LRIT1: variants seen among roughly 807,000 people sequenced by gnomAD.
LRIT1 encodes leucine-rich repeat, immunoglobulin-like domain and transmembrane domain-containing protein 1.
LRIT1 carries 23 observed loss-of-function variants against 24.0 expected under a neutral mutation model. The ratio of observed to expected loss-of-function variants is 0.96; its 90% CI spans 0.69 to 1.36. LRIT1 has a LOEUF of 1.36. LRIT1 is among the 40% of genes most tolerant of loss of function. LRIT1 has a pLI of 0.00. For missense variants in LRIT1, 846 were observed against 806.3 expected (o/e 1.05, Z -0.60); for synonymous variants, 361 against 340.5 (o/e 1.06, Z -0.66).
Position 84,237,255 on chromosome 10 carries a change from A to T in LRIT1, c.554T>A (p.Ile185Asn). ...IVSWAHLETG[I>N]FPPGHHPRRV... ...CCTGGGGTGGTGGCCGGGAGGAAAGATACCGGTCTCCAGGTGAGCCCAGGA... is the reference window on the plus strand; with the variant it reads ...CCTGGGGTGGTGGCCGGGAGGAAAGTTACCGGTCTCCAGGTGAGCCCAGGA... The change falls in exon 2 of 4, where the codon ATC (isoleucine) becomes AAC (asparagine). Residue 185 changes from isoleucine (I) to asparagine (N), a missense_variant. Physicochemically the swap from Ile to Asn is moderately radical, Grantham distance 149 (BLOSUM62 -3). Coordinates refer to ENST00000372105, the MANE Select transcript of LRIT1 (RefSeq NM_015613.3). 3.2e-6 allele frequency: 5 copies of T among 1,550,746 alleles called. No individual in the cohort carries two copies. Among genetic ancestry groups the T allele is most frequent in the East Asian group, 2.4e-5 (1 of 40,918 alleles).
At position 84,237,284 on chromosome 10, in the gene LRIT1, G is replaced by T. The variant is rs1404333855; in HGVS notation, c.525C>A (p.Ile175=). The T allele has an allele frequency of 2.6e-6, 4 of 1,550,908 alleles. No individual in the cohort carries two copies. Among genetic ancestry groups the T allele is most frequent in the Admixed American group, 2.0e-5 (1 of 50,988 alleles). ...NQLMRLPQEL[I]VSWAHLETGI... ...CGGTCTCCAGGTGAGCCCAGGAGACGATGAGCTCCTGCGGGAGCCTCATCA... is the reference window on the plus strand; with the variant it reads ...CGGTCTCCAGGTGAGCCCAGGAGACTATGAGCTCCTGCGGGAGCCTCATCA... Residue 175 remains isoleucine, a synonymous_variant, in exon 2 of 4, where the codon ATC becomes ATA. Transcript: ENST00000372105.
At position 84,232,634 on chromosome 10, in the gene LRIT1, G is replaced by T. The variant is rs12262099; in HGVS notation, c.1165C>A (p.Pro389Thr). 114,002 of 1,613,418 alleles carry T rather than the reference G, an allele frequency of 0.071. 12,293 individuals carry two copies. Among genetic ancestry groups the T allele is most frequent in the African/African-American group, 0.5 (37,245 of 74,918 alleles). The change falls in exon 4 of 4, where the codon CCC (proline) becomes ACC (threonine). Residue 389 changes from proline to threonine, a missense_variant. Transcript: ENST00000372105. ...GAGGGTCCAGTGGCCAGGACAGCGG[G>T]TTTGGGAATCTGGGGGACATGCCTG... ...VARHVPQIPKPAVLATGPSVP... is the reference protein window; with the variant it reads ...VARHVPQIPKTAVLATGPSVP...
intron 2 of LRIT1, among the ~76,000 whole-genome samples, chr10:84,236,327 T>C (rs1842647511): frequency 6.7e-6 from 1 of 150,134 alleles, no homozygotes; most frequent in Non-Finnish European, 1.5e-5. Context: ...TTGCCAAGAA[T>C]GTTCTCTGTT....
At position 84,233,499 on chromosome 10, in the gene LRIT1, G is replaced by A. The variant is rs532292771; in HGVS notation, c.895+574C>T. On this transcript the variant is annotated intron_variant, in intron 3 of 3. Coordinates refer to ENST00000372105, the MANE Select transcript of LRIT1 (RefSeq NM_015613.3). ...TTAAGGGCCCTGGAATTTTGCAAAG[G>A]TGATCAGCTAGATTGTGCTGGAACC... 1.9e-4 allele frequency among the ~76,000 whole-genome samples: 21 copies of A among 109,860 alleles called. No individual in the cohort carries two copies. In the South Asian group the frequency reaches 4.9e-3, roughly 26 times the overall value. 72.1% of individuals were successfully genotyped at this position (109,860 alleles called of 152,430 possible).
In LRIT1 at chr10:84,237,594, C is replaced by A. The variant is rs752550690; in HGVS notation, c.215G>T (p.Arg72Leu). The A allele has an allele frequency of 5.0e-6, 8 of 1,606,612 alleles. No homozygotes were observed. The South Asian group carries it at 6.6e-5, about 13-fold the overall frequency. Residue 72 changes from arginine (R) to leucine (L), a missense_variant, in exon 2 of 4, where the codon CGC becomes CTC. Arg to Leu is a moderately radical substitution (Grantham distance 102, BLOSUM62 -2). Transcript: ENST00000372105. ...CCTGAAGGCCTCGCCAGGAACCCTGCGTATGGCCGTCCGCTCCAGGCGCAG... is the reference window on the plus strand; with the variant it reads ...CCTGAAGGCCTCGCCAGGAACCCTGAGTATGGCCGTCCGCTCCAGGCGCAG... Reference protein sequence around the residue: ...SRLRLERTAIRRVPGEAFRPL... With the variant: ...SRLRLERTAILRVPGEAFRPL...
rs1472089282 is a variant in LRIT1, at chr10:84,232,761, A to G, written c.1038T>C (p.Thr346=). ...ASETVISLIV[T]EPPTSTEHSG... The stretch of plus-strand genomic sequence containing the variant: ...TGTGTTCTGTGGAAGTCGGTGGCTC[A>G]GTGACAATCAAGGAGATAACAGTTT... The change falls in exon 4 of 4, where the codon ACT becomes ACC. Residue 346 remains threonine, a synonymous_variant. Transcript: ENST00000372105. 13 of 1,614,040 alleles carry G rather than the reference A, an allele frequency of 8.1e-6. No homozygotes were observed. The highest frequency in any genetic ancestry group is 1.1e-5 in the Non-Finnish European group (13 of 1,180,018).
At position 84,237,333 on chromosome 10, in the gene LRIT1, A is replaced by C. The variant is rs1200328346; in HGVS notation, c.476T>G (p.Phe159Cys). ...EAARFLENLT[F>C]LDLSSNQLMR... is the part of the protein sequence containing the mutation. ...CAGCTGGTTGCTGGAGAGGTCGAGG[A>C]AGGTGAGGTTCTCCAGGAAGCGCGC... Residue 159 changes from phenylalanine to cysteine, a missense_variant, in exon 2 of 4, where the codon TTC (phenylalanine) becomes TGC (cysteine). Phe to Cys is a radical substitution (Grantham distance 205). Transcript: ENST00000372105. 1.6e-5 allele frequency: 25 copies of C among 1,550,864 alleles called. No individual in the cohort carries two copies. The highest frequency in any genetic ancestry group is 2.1e-5 in the Non-Finnish European group (24 of 1,146,962).
intron 3 of LRIT1, 28 bp downstream of exon 3, chr10:84,234,045 C>T: frequency 1.4e-6 from 2 of 1,426,534 alleles, no homozygotes; most frequent in Non-Finnish European, 1.8e-6. Flanking sequence ...TCTAGGTTCT[C>T]AGTGCAGCAT....
rs770271797 is a variant in LRIT1 at position 84,241,407 on chromosome 10, CA to C, written c.32del (p.Leu11TrpfsTer33). 4 of 1,607,564 alleles carry C rather than the reference CA, an allele frequency of 2.5e-6. No individual in the cohort carries two copies. In the South Asian group the frequency reaches 4.4e-5, roughly 18 times the overall value. On this transcript the variant is annotated frameshift_variant, in exon 1 of 4. Transcript: ENST00000372105. LOFTEE classifies it high-confidence loss of function. Reference protein sequence around the residue: MRVALGMLWLLALAWPPQARG... With the variant: MRVALGMLWLXALAWPPQARG... ...GGGCCTGGGGGGGCCACGCAAGGGC[CA>C]AGAGCCAGAGCATGCCTAATGCCAC...
rs1842602140 is a variant in LRIT1 at position 84,232,039 on chromosome 10, A to G, written c.1760T>C (p.Leu587Pro). 1 of 1,614,150 alleles carries G rather than the reference A, an allele frequency of 6.2e-7. No individual in the cohort carries two copies. The highest frequency in any genetic ancestry group is 1.3e-5 in the African/African-American group (1 of 75,036). The change falls in exon 4 of 4, where the codon CTG (leucine) becomes CCG (proline). Residue 587 changes from leucine to proline, a missense_variant. Physicochemically the swap from Leu to Pro is moderately conservative, Grantham distance 98. Coordinates refer to ENST00000372105, the MANE Select transcript of LRIT1 (RefSeq NM_015613.3). The stretch of plus-strand genomic sequence containing the variant: ...AGCCTCGCTGACACTGTGCCGGGAC[A>G]GCTCCTCCAAGCCGTCCTCGCTGTA... ...LGYSEDGLEE[L>P]SRHSVSEADR... is the part of the protein sequence containing the mutation.
Position 84,237,617 on chromosome 10 carries a change from C to T in LRIT1, c.192G>A (p.Leu64=). 6.2e-7 allele frequency: 1 copy of T among 1,607,002 alleles called. No individual in the cohort carries two copies. Among genetic ancestry groups the T allele is most frequent in the African/African-American group, 1.3e-5 (1 of 75,056 alleles). The change falls in exon 2 of 4, where the codon CTG becomes CTA. Residue 64 remains leucine (L), a synonymous_variant. Coordinates refer to ENST00000372105, the MANE Select transcript of LRIT1 (RefSeq NM_015613.3). Reference sequence around the variant, plus strand: ...TGCGTATGGCCGTCCGCTCCAGGCGCAGTCTGGAGGTGTCCGGGGGGATGG... The same window carrying T: ...TGCGTATGGCCGTCCGCTCCAGGCGTAGTCTGGAGGTGTCCGGGGGGATGG... ...PASIPPDTSR[L]RLERTAIRRV...
chr10:84,237,194 C>T, intron 2 of LRIT1, 26 bp downstream of exon 2: 2 of 1,507,652 alleles, frequency 1.3e-6, no homozygotes, highest in Non-Finnish European at 9.0e-7. Flanking sequence ...TGCCTAAGAC[C>T]CCAGGTGAAG....
At chr10:84,237,109 G>A in intron 2 of LRIT1, 111 bp downstream of exon 2, 5 of 891,428 alleles carry the variant, frequency 5.6e-6, no homozygotes, top group Non-Finnish European at 7.0e-6. Context: ...GGATCTCACT[G>A]TCTTTGCTCA....
chr10:84,241,496 A>AC lies in LRIT1; in HGVS notation c.-58dup, dbSNP rs1564545846. 3 of 1,094,994 alleles carry AC rather than the reference A, an allele frequency of 2.7e-6. No individual in the cohort carries two copies. The African/African-American group carries it at 9.7e-5, about 35-fold the overall frequency. 67.8% of individuals were successfully genotyped at this position (1,094,994 alleles called of 1,614,324 possible). ...GCCTGTCCCTGGACCGCTCCGTCCC[A>AC]CCGGCCCAGCAAGCTCAGCAGCTGC... is the stretch of plus-strand genomic sequence containing the variant. On this transcript the variant is annotated 5_prime_UTR_variant, in exon 1 of 4. Transcript: ENST00000372105.
At position 84,232,229 on chromosome 10, in the gene LRIT1, T is replaced by C; in HGVS notation, c.1570A>G (p.Thr524Ala). The C allele has an allele frequency of 6.2e-7, 1 of 1,613,926 alleles. No homozygotes were observed. Among genetic ancestry groups the C allele is most frequent in the South Asian group, 1.1e-5 (1 of 91,074 alleles). ...STNEVVDAEN[T>A]QQLINVVVIS... is the part of the protein sequence containing the mutation. ...ACCACCACATTGATAAGCTGCTGAG[T>C]GTTCTCAGCATCCACCACTTCATTG... is the stretch of plus-strand genomic sequence containing the variant. Residue 524 changes from threonine to alanine, a missense_variant, in exon 4 of 4, where the codon ACT becomes GCT. Transcript: ENST00000372105.
At position 84,237,110 on chromosome 10, in the gene LRIT1, T is replaced by G. The variant is rs1346546923; in HGVS notation, c.589+110A>C. The G allele has an allele frequency of 8.9e-6, 8 of 896,562 alleles. No homozygotes were observed. In the South Asian group the frequency reaches 1.2e-4, roughly 14 times the overall value. The allele number at this position is 896,562 out of a possible 1,614,324, so 55.5% of individuals were successfully genotyped here. A position where few individuals can be genotyped will look rare whatever the true frequency, so the allele number is the denominator to read the frequency against. On this transcript the variant is annotated intron_variant, in intron 2 of 3. Transcript: ENST00000372105. ...CCCGCCGCTCTTGTGGATCTCACTG[T>G]CTTTGCTCAAACCTGGAAGGAAGGT...
At chr10:84,238,386 A>G (rs1842669489) in intron 1 of LRIT1, among the ~76,000 whole-genome samples, 1 of 152,020 alleles carries the variant, frequency 6.6e-6, no homozygotes, top group African/African-American at 2.4e-5. Context: ...TTGTTAAATT[A>G]TACCTCAATT....
At position 84,241,418 on chromosome 10, in the gene LRIT1, G is replaced by A. The variant is rs1210282346; in HGVS notation, c.22C>T (p.Leu8Phe). Residue 8 changes from leucine (L) to phenylalanine (F), a missense_variant, in exon 1 of 4, where the codon CTC becomes TTC. Physicochemically the swap from Leu to Phe is conservative, Grantham distance 22. Transcript: ENST00000372105. MRVALGM[L>F]WLLALAWPPQ... Reference sequence around the variant, plus strand: ...GGCCACGCAAGGGCCAAGAGCCAGAGCATGCCTAATGCCACCCTCATGGCT... The same window carrying A: ...GGCCACGCAAGGGCCAAGAGCCAGAACATGCCTAATGCCACCCTCATGGCT... The A allele has an allele frequency of 3.7e-6, 6 of 1,602,910 alleles. No homozygotes were observed. In the South Asian group the frequency reaches 6.7e-5, roughly 18 times the overall value.
chr10:84,241,357 C>T lies in LRIT1; in HGVS notation c.83G>A (p.Ser28Asn), dbSNP rs752937544. The change falls in exon 1 of 4, where the codon AGC becomes AAC. Residue 28 changes from serine to asparagine, a missense_variant. Transcript: ENST00000372105. ...QARGFCPSQC[S>N]CSLHIMGDGS... ...ATCACCCATGATATGGAGGCTGCAG[C>T]TGCATTGAGAGGGGCAGAAGCCCCG... The T allele has an allele frequency of 3.7e-6, 6 of 1,613,552 alleles. No individual in the cohort carries two copies. Among genetic ancestry groups the T allele is most frequent in the Non-Finnish European group, 5.1e-6 (6 of 1,179,888 alleles).
Sources: allele counts gnomAD v4.1 joint callset (sites outside exome capture counted in the v4.1 genomes callset), GRCh38; gene constraint gnomAD v4.1.1; transcripts MANE v1.5; gene names NCBI Gene and HGNC (gene_info 2026-07-23, HGNC 2026-07-21).